Variants in B3GALT1 observed in about 807,000 individuals in gnomAD.
B3GALT1 encodes the protein beta-1,3-galactosyltransferase 1.
B3GALT1 carries 10 observed loss-of-function variants against 23.2 expected under a neutral mutation model. That is an observed-to-expected ratio of 0.43 (90% CI 0.27 to 0.73). The LOEUF (loss-of-function observed/expected upper bound fraction) is 0.73. Ranked by LOEUF, B3GALT1 falls within the 30% of genes least tolerant of loss-of-function variation. B3GALT1 has a pLI of 0.21. For synonymous variants in B3GALT1, 156 were observed against 141.5 expected, an observed-to-expected ratio of 1.10 and a Z score of -0.73; for missense variants, 299 against 405.4, an observed-to-expected ratio of 0.74 and a Z score of 2.25.
intron 1 of B3GALT1, among the ~76,000 whole-genome samples, chr2:167,352,534 C>T (rs545491412): frequency 2.1e-5 from 3 of 145,802 alleles, no homozygotes; most frequent in Admixed American, 6.9e-5. Context: ...CTGGCTAACA[C>T]GGTGAAACTC....
At chr2:167,727,425 A>G (rs1451327757) in intron 3 of B3GALT1, among the ~76,000 whole-genome samples, 2 of 152,196 alleles carry the variant, frequency 1.3e-5, no homozygotes, top group Non-Finnish European at 2.9e-5. Flanking sequence ...TCCTAGGATT[A>G]GAAAGAAAAT....
chr2:167,703,951 G>A (rs1345943272), intron 3 of B3GALT1, among the ~76,000 whole-genome samples: 2 of 152,164 alleles, frequency 1.3e-5, no homozygotes, highest in South Asian at 2.1e-4. Context: ...GGAGGCCAAG[G>A]CGGGCGGATC....
At chr2:167,800,943 G>T (rs753994546) in intron 3 of B3GALT1, among the ~76,000 whole-genome samples, 1 of 152,190 alleles carries the variant, frequency 6.6e-6, no homozygotes, top group Non-Finnish European at 1.5e-5. Flanking sequence ...CCCATGTTTG[G>T]AAACCATACA....
intron 2 of B3GALT1, among the ~76,000 whole-genome samples, chr2:167,567,148 T>C (rs1684187281): frequency 6.6e-6 from 1 of 152,164 alleles, no homozygotes; most frequent in African/African-American, 2.4e-5. Context: ...TCCTTCTCTT[T>C]TTCTTGAAGC....
Position 167,368,752 on chromosome 2 carries a change from T to A in B3GALT1, c.-511+75418T>A, listed in dbSNP as rs576518775. On this transcript the variant is annotated intron_variant, in intron 1 of 4. Coordinates refer to ENST00000392690, the MANE Select transcript of B3GALT1 (RefSeq NM_020981.4). Reference sequence around the variant, plus strand: ...AACTTTAACCTTGTGTATGTTCAAATGTTATCCTTACCATGTTGTCTAACT... The same window carrying A: ...AACTTTAACCTTGTGTATGTTCAAAAGTTATCCTTACCATGTTGTCTAACT... Among the ~76,000 whole-genome samples the A allele has an allele frequency of 1.3e-4, 20 of 152,358 alleles. No individual in the cohort carries two copies. In the East Asian group the frequency reaches 3.9e-3, roughly 29 times the overall value.
chr2:167,435,944 CACACACACAA>C (rs1172074171), intron 1 of B3GALT1, among the ~76,000 whole-genome samples: 75 of 138,332 alleles, frequency 5.4e-4, no homozygotes, highest in African/African-American at 2.2e-3. Flanking sequence ...CTACCCTCCA[CACACACACAA>C]ACACACACAC....
chr2:167,324,777 C>T (rs762787221), intron 1 of B3GALT1, among the ~76,000 whole-genome samples: 1 of 151,962 alleles, frequency 6.6e-6, no homozygotes, highest in Non-Finnish European at 1.5e-5. Context: ...TGTAGTCCCC[C>T]GACTCTGCTA....
chr2:167,545,663 C>A (rs1683624851), intron 2 of B3GALT1, among the ~76,000 whole-genome samples: 1 of 152,070 alleles, frequency 6.6e-6, no homozygotes, highest in Non-Finnish European at 1.5e-5. Context: ...GCCACAAGTT[C>A]AAGGGTCCCC....
intron 2 of B3GALT1, among the ~76,000 whole-genome samples, chr2:167,520,481 G>A (rs1331496860): frequency 6.6e-6 from 1 of 152,110 alleles, no homozygotes; most frequent in Non-Finnish European, 1.5e-5. Flanking sequence ...AAGCATCCCA[G>A]GAGTTTTCTT....
chr2:167,844,801 A>T (rs1325191691), intron 4 of B3GALT1, among the ~76,000 whole-genome samples: 1 of 152,210 alleles, frequency 6.6e-6, no homozygotes, highest in Non-Finnish European at 1.5e-5. Flanking sequence ...AGGCAGGAAA[A>T]GAACCAAGCC....
chr2:167,737,282 G>A (rs1021233251), intron 3 of B3GALT1, among the ~76,000 whole-genome samples: 3 of 152,208 alleles, frequency 2.0e-5, no homozygotes, highest in Non-Finnish European at 4.4e-5. Context: ...CTGGTTTAAT[G>A]ACATTAGTTA....
intron 1 of B3GALT1, among the ~76,000 whole-genome samples, chr2:167,350,757 G>A (rs1044408508): frequency 6.6e-6 from 1 of 152,002 alleles, no homozygotes; most frequent in Admixed American, 6.6e-5. Context: ...ATATAGCCAC[G>A]TGGGACCTAC....
chr2:167,473,629 C>T (rs1699449121), intron 1 of B3GALT1, among the ~76,000 whole-genome samples: 1 of 152,036 alleles, frequency 6.6e-6, no homozygotes, highest in African/African-American at 2.4e-5. Context: ...CTCTCCATTG[C>T]CTTGCTAGAA....
intron 4 of B3GALT1, among the ~76,000 whole-genome samples, chr2:167,868,478 T>C (rs989504446): frequency 1.4e-5 from 2 of 138,226 alleles, no homozygotes; most frequent in Non-Finnish European, 3.0e-5. Flanking sequence ...TGCCAGAAAG[T>C]ATGTCACTGT....
At chr2:167,806,407 A>C (rs937384574) in intron 3 of B3GALT1, among the ~76,000 whole-genome samples, 4 of 152,180 alleles carry the variant, frequency 2.6e-5, no homozygotes, top group Admixed American at 6.5e-5. Context: ...GCCTTGTGCC[A>C]GTTTTCAAAG....
At chr2:167,699,428 C>A (rs1574219714) in intron 3 of B3GALT1, among the ~76,000 whole-genome samples, 1 of 115,946 alleles carries the variant, frequency 8.6e-6, no homozygotes, top group African/African-American at 3.2e-5. Flanking sequence ...TTAACTAAAA[C>A]CCCAATTAAC....
At chr2:167,710,119 A>C (rs1462997075) in intron 3 of B3GALT1, among the ~76,000 whole-genome samples, 1 of 152,198 alleles carries the variant, frequency 6.6e-6, no homozygotes, top group Admixed American at 6.5e-5. Context: ...ATTTTACCCC[A>C]GGTGCAAAGG....
intron 1 of B3GALT1, among the ~76,000 whole-genome samples, chr2:167,465,591 A>G (rs2105327905): frequency 6.6e-6 from 1 of 152,288 alleles, no homozygotes; most frequent in South Asian, 2.1e-4. Context: ...CTCCACCCTC[A>G]TGACTTAATA....
intron 1 of B3GALT1, among the ~76,000 whole-genome samples, chr2:167,412,168 T>C (rs1698402934): frequency 6.6e-6 from 1 of 152,158 alleles, no homozygotes; most frequent in Non-Finnish European, 1.5e-5. Context: ...AACAACTAAA[T>C]ACCTATATAT....
Sources: gnomAD v4.1 joint callset for allele counts (sites outside exome capture counted in the v4.1 genomes callset) on GRCh38, gnomAD v4.1.1 for gene constraint, MANE v1.5 for transcripts, NCBI Gene and HGNC (gene_info 2026-07-23, HGNC 2026-07-21) for gene names.